CAMTA1: variants seen among roughly 807,000 people sequenced by gnomAD.
CAMTA1 encodes calmodulin-binding transcription activator 1.
A neutral mutation model predicts 170.9 loss-of-function variants in CAMTA1; 27 were observed. The ratio of observed to expected loss-of-function variants is 0.16; its 90% CI spans 0.12 to 0.22. The LOEUF (loss-of-function observed/expected upper bound fraction) is 0.22, where lower values mean the gene tolerates loss of function less well. Ranked by LOEUF, CAMTA1 falls within the 10% of genes least tolerant of loss-of-function variation. CAMTA1 has a pLI of 1.00. For synonymous variants in CAMTA1, 833 were observed against 891.5 expected (o/e 0.93, Z 1.17); for missense variants, 1,619 against 2,217.2 (o/e 0.73, Z 5.42).
chr1:6,852,397 C>T (rs992475311), intron 3 of CAMTA1, among the ~76,000 whole-genome samples: 1 of 152,126 alleles, frequency 6.6e-6, no homozygotes, highest in Non-Finnish European at 1.5e-5. Context: ...TACTAACTGC[C>T]TGGAATTACT....
chr1:6,874,220 A>T (rs1669185878), intron 3 of CAMTA1: 1 of 152,256 alleles, frequency 6.6e-6, no homozygotes, highest in Admixed American at 6.5e-5. Context: ...GTTGGCAGGC[A>T]TAACCGGTGT....
rs970487584 is a variant in CAMTA1, at chr1:7,570,652, T to C, written c.511-69748T>C. 1.3e-5 allele frequency among the ~76,000 whole-genome samples: 2 copies of C among 152,254 alleles called. No individual in the cohort carries two copies. The highest frequency in any genetic ancestry group is 2.9e-5 in the Non-Finnish European group (2 of 68,044). On this transcript the variant is annotated intron_variant, in intron 6 of 22. Transcript: ENST00000303635. The surrounding 1 kb of genome is among the most constrained non-coding windows in gnomAD (Gnocchi z 4.3). Reference sequence around the variant, plus strand: ...CCAGTTTGTTCTCTGAGCCTGGCACTGCCCTGTTCACCAAGGCCAAGGTCC... The same window carrying C: ...CCAGTTTGTTCTCTGAGCCTGGCACCGCCCTGTTCACCAAGGCCAAGGTCC...
intron 3 of CAMTA1, among the ~76,000 whole-genome samples, chr1:6,978,371 C>G (rs140524629): frequency 1.5e-3 from 222 of 152,258 alleles, no homozygotes; most frequent in Admixed American, 2.5e-3. Context: ...CGGTGGCTCA[C>G]GCCTGTTATC....
intron 3 of CAMTA1, among the ~76,000 whole-genome samples, chr1:7,054,765 G>A (rs746335754): frequency 1.4e-4 from 21 of 152,204 alleles, no homozygotes; most frequent in Non-Finnish European, 2.1e-4. Context: ...CTCATCTGCA[G>A]TATGGGATGG....
chr1:7,389,737 G>A (rs2088474538), intron 5 of CAMTA1: 1 of 152,656 alleles, frequency 6.6e-6, no homozygotes, highest in East Asian at 1.9e-4. Context: ...ACAGTGGTCT[G>A]GACAGGAAAG....
At chr1:7,498,406 A>G (rs1283845244) in intron 6 of CAMTA1, among the ~76,000 whole-genome samples, 1 of 143,312 alleles carries the variant, frequency 7.0e-6, no homozygotes, top group Non-Finnish European at 1.5e-5. Context: ...AATGTGTATG[A>G]GTGTGTATGA....
intron 6 of CAMTA1, among the ~76,000 whole-genome samples, chr1:7,525,912 C>A (rs887801530): frequency 6.6e-6 from 1 of 152,056 alleles, no homozygotes; most frequent in Non-Finnish European, 1.5e-5. Flanking sequence ...CACAGACCCA[C>A]GGCCTGTGGG....
chr1:7,177,378 C>G (rs1651075716), intron 4 of CAMTA1, among the ~76,000 whole-genome samples: 1 of 150,270 alleles, frequency 6.7e-6, no homozygotes. Flanking sequence ...ATACCAATGC[C>G]TCTCCCCCAA....
intron 5 of CAMTA1, among the ~76,000 whole-genome samples, chr1:7,314,535 TCTTTTTTATCATGG>T (rs1206515966): frequency 6.6e-6 from 1 of 152,216 alleles, no homozygotes; most frequent in African/African-American, 2.4e-5. Flanking sequence ...CATTATTAAC[TCTTTTTTATCATGG>T]AACCTGAGTG....
intron 3 of CAMTA1, among the ~76,000 whole-genome samples, chr1:6,902,074 A>ACACACACAC (rs1553180447): frequency 0.035 from 2,629 of 75,548 alleles, 26 homozygotes; most frequent in Non-Finnish European, 0.04. Flanking sequence ...CACACACACA[A>ACACACACAC]AAAAAAAAAT....
intron 4 of CAMTA1, among the ~76,000 whole-genome samples, chr1:7,152,166 C>T (rs1454370818): frequency 2.0e-5 from 3 of 152,214 alleles, no homozygotes; most frequent in Non-Finnish European, 2.9e-5. Context: ...CAGCCCACAC[C>T]GTGCAGGAGA....
At chr1:7,135,535 G>T (rs1056773219) in intron 4 of CAMTA1, among the ~76,000 whole-genome samples, 5 of 152,142 alleles carry the variant, frequency 3.3e-5, no homozygotes, top group Non-Finnish European at 7.4e-5. Context: ...CACTCTTGGT[G>T]CTGCAGGACC....
chr1:7,287,888 C>A (rs1672574224), intron 5 of CAMTA1, among the ~76,000 whole-genome samples: 1 of 152,180 alleles, frequency 6.6e-6, no homozygotes, highest in Non-Finnish European at 1.5e-5. Flanking sequence ...CTGGAAGTGG[C>A]ATACATCAAT....
rs567323317 is a variant in CAMTA1 at position 7,211,765 on chromosome 1, C to G, written c.303-37726C>G. ...CCTTGCGAGTGGTATGCCATTGCTT[C>G]TAGACACTCTCTGCCTTAGTAGAAG... On this transcript the variant is annotated intron_variant, in intron 4 of 22. Coordinates refer to ENST00000303635, the MANE Select transcript of CAMTA1 (RefSeq NM_015215.4). 5.1e-4 allele frequency among the ~76,000 whole-genome samples: 78 copies of G among 152,322 alleles called. 2 individuals are homozygous for G. The South Asian group carries it at 0.016, about 30-fold the overall frequency.
At chr1:7,403,443 T>A (rs1025647216) in intron 5 of CAMTA1, among the ~76,000 whole-genome samples, 1 of 152,152 alleles carries the variant, frequency 6.6e-6, no homozygotes, top group Non-Finnish European at 1.5e-5. Context: ...CTGTGGGGAA[T>A]CCCAGTGAGA....
intron 3 of CAMTA1, among the ~76,000 whole-genome samples, chr1:6,948,244 C>A (rs1189142707): frequency 6.6e-6 from 1 of 152,130 alleles, no homozygotes; most frequent in East Asian, 1.9e-4. Flanking sequence ...TGCTGCAATG[C>A]CTTTCCCCCA....
chr1:6,810,622 G>A (rs1469932771), intron 1 of CAMTA1, among the ~76,000 whole-genome samples: 7 of 152,098 alleles, frequency 4.6e-5, no homozygotes, highest in African/African-American at 1.7e-4. Context: ...TGGCTAACAC[G>A]GTGAAATCCC....
At chr1:7,290,473 T>C (rs1483208850) in intron 5 of CAMTA1, among the ~76,000 whole-genome samples, 1 of 152,184 alleles carries the variant, frequency 6.6e-6, no homozygotes, top group Non-Finnish European at 1.5e-5. Flanking sequence ...ACACCTGCCT[T>C]CAGTGAGAGT....
intron 3 of CAMTA1, among the ~76,000 whole-genome samples, chr1:6,839,934 C>G (rs1345161288): frequency 2.0e-5 from 3 of 152,204 alleles, no homozygotes; most frequent in Non-Finnish European, 4.4e-5. Context: ...GGCACAGTGG[C>G]TCACGCCTGT....
Sources: allele counts gnomAD v4.1 joint callset (sites outside exome capture counted in the v4.1 genomes callset), GRCh38; gene constraint gnomAD v4.1.1; non-coding constraint Gnocchi (gnomAD v3.1); transcripts MANE v1.5; gene names NCBI Gene and HGNC (gene_info 2026-07-23, HGNC 2026-07-21).